The following XYLT1 variants were observed in gnomAD, a reference collection of about 807,000 sequenced individuals.
XYLT1 encodes the protein xylosyltransferase 1, also known as beta-D-xylosyltransferase 1.
A neutral mutation model predicts 91.3 loss-of-function variants in XYLT1; 36 were observed. That is an observed-to-expected ratio of 0.39 (90% CI 0.30 to 0.52). The LOEUF is 0.52. Among genes scored for constraint, XYLT1 ranks in the 20% least tolerant of loss-of-function variants. The pLI, the probability that XYLT1 is intolerant of heterozygous loss-of-function variation, is 0.68. For missense variants in XYLT1, 1,242 were observed against 1,284.5 expected, an observed-to-expected ratio of 0.97 and a Z score of 0.51; for synonymous variants, 588 against 532.0, an observed-to-expected ratio of 1.11 and a Z score of -1.45.
At chr16:17,332,299 T>C (rs2034909482) in intron 2 of XYLT1, among the ~76,000 whole-genome samples, 1 of 152,182 alleles carries the variant, frequency 6.6e-6, no homozygotes, top group African/African-American at 2.4e-5. Context: ...TAGTGGCTCA[T>C]GCCTATAATC....
At chr16:17,125,226 A>T (rs925779209) in intron 10 of XYLT1, among the ~76,000 whole-genome samples, 1 of 152,142 alleles carries the variant, frequency 6.6e-6, no homozygotes, top group African/African-American at 2.4e-5. Flanking sequence ...CAAAGGCTCT[A>T]TGGATTCTCT....
In XYLT1 at chr16:17,459,700, G is replaced by A. The variant is rs578009007; in HGVS notation, c.363+10734C>T. 2.6e-5 allele frequency among the ~76,000 whole-genome samples: 4 copies of A among 152,276 alleles called. No homozygotes were observed. In the South Asian group the frequency reaches 8.3e-4, roughly 32 times the overall value. On this transcript the variant is annotated intron_variant, in intron 1 of 11. Transcript: ENST00000261381. The stretch of plus-strand genomic sequence containing the variant: ...TTGTAACAATCTGATTTTTTGCAAT[G>A]TTCTTGTTTGTTTTTATTGGGAGGT...
chr16:17,248,652 T>C (rs62033189), intron 3 of XYLT1, among the ~76,000 whole-genome samples: 20,015 of 152,052 alleles, frequency 0.13, 1,390 homozygotes, highest in Non-Finnish European at 0.15. Context: ...CAGCTTTTCC[T>C]CTAGTTAACT....
rs201222846 is a variant in XYLT1, at chr16:17,134,531, G to A, written c.1969C>T (p.Arg657Cys). Residue 657 changes from arginine to cysteine, a missense_variant, in exon 9 of 12, where the codon CGC (arginine) becomes TGC (cysteine). By Grantham distance (180) the Arg-to-Cys change is radical. Transcript: ENST00000261381. ...VTLTLYHSFA[R>C]LGLRRAETSL... ...GTCTCGGCCCGTCGAAGACCCAGGC[G>A]GGCAAAGGAGTGGTACAAGGTGAGT... The A allele has an allele frequency of 7.4e-6, 12 of 1,614,114 alleles. No homozygotes were observed. Among genetic ancestry groups the A allele is most frequent in the East Asian group, 2.2e-5 (1 of 44,878 alleles).
At chr16:17,387,980 G>A (rs889277508) in intron 1 of XYLT1, among the ~76,000 whole-genome samples, 1 of 152,152 alleles carries the variant, frequency 6.6e-6, no homozygotes, top group Admixed American at 6.5e-5. Context: ...ACTGATGCTC[G>A]TGACTTATAA....
rs763402930 is a variant in XYLT1, at chr16:17,255,601, C to T, written c.913+3387G>A. Among the ~76,000 whole-genome samples, 20 of 152,340 alleles carry T rather than the reference C, an allele frequency of 1.3e-4. 1 individual carries two copies. In the Middle Eastern group the frequency reaches 0.01, roughly 78 times the overall value. On this transcript the variant is annotated intron_variant, in intron 3 of 11. Coordinates refer to ENST00000261381, the MANE Select transcript of XYLT1 (RefSeq NM_022166.4). The stretch of plus-strand genomic sequence containing the variant: ...TGCACTCCACTTAATTATTGCTACA[C>T]TCTGTGTGCCAAATCTAATCAAGAA...
chr16:17,466,147 CTT>C (rs1230688672), intron 1 of XYLT1, among the ~76,000 whole-genome samples: 3 of 152,098 alleles, frequency 2.0e-5, no homozygotes, highest in African/African-American at 4.8e-5. Flanking sequence ...GGCATTTTCT[CTT>C]TGTTTCTGGT....
rs960151270 is a variant in XYLT1 at position 17,413,999 on chromosome 16, C to T, written c.364-55949G>A. Among the ~76,000 whole-genome samples the T allele has an allele frequency of 5.3e-5, 8 of 152,182 alleles. No homozygotes were observed. In the East Asian group the frequency reaches 9.6e-4, roughly 18 times the overall value. On this transcript the variant is annotated intron_variant, in intron 1 of 11. Coordinates refer to ENST00000261381, the MANE Select transcript of XYLT1 (RefSeq NM_022166.4). ...AAAGCCCTCCTGAAATTATTCAAGC[C>T]GGTCAATCCCAAACTGTTTGCCCTG...
chr16:17,324,989 G>A (rs926584182), intron 2 of XYLT1, among the ~76,000 whole-genome samples: 19 of 151,848 alleles, frequency 1.3e-4, no homozygotes, highest in Non-Finnish European at 2.6e-4. Flanking sequence ...TATAATTATG[G>A]ATGTTATTTA....
chr16:17,269,905 G>C (rs1018543557), intron 2 of XYLT1, among the ~76,000 whole-genome samples: 1 of 151,784 alleles, frequency 6.6e-6, no homozygotes, highest in Admixed American at 6.6e-5. Context: ...TCCGCCTCCC[G>C]GGTTCAAGCA....
At chr16:17,168,549 C>T (rs563049686) in intron 5 of XYLT1, among the ~76,000 whole-genome samples, 1 of 152,152 alleles carries the variant, frequency 6.6e-6, no homozygotes, top group East Asian at 1.9e-4. Flanking sequence ...CACAATATAC[C>T]CCTGGAGCAA....
At chr16:17,176,192 T>C (rs547153751) in intron 5 of XYLT1, among the ~76,000 whole-genome samples, 5 of 152,204 alleles carry the variant, frequency 3.3e-5, no homozygotes, top group Non-Finnish European at 7.3e-5. Context: ...TACTGAGCTC[T>C]CACTATGTGC....
At chr16:17,402,272 A>AT (rs2035979608) in intron 1 of XYLT1, among the ~76,000 whole-genome samples, 1 of 152,044 alleles carries the variant, frequency 6.6e-6, no homozygotes. Context: ...GTGAGCCGTC[A>AT]TTGCCCCACT....
intron 5 of XYLT1, chr16:17,192,757 C>T (rs981527540): frequency 6.7e-6 from 1 of 149,606 alleles, no homozygotes; most frequent in Non-Finnish European, 1.5e-5. Context: ...TGAATTGGAT[C>T]TATTCTGTTT....
intron 1 of XYLT1, among the ~76,000 whole-genome samples, chr16:17,368,062 A>C (rs956173215): frequency 1.3e-5 from 2 of 152,180 alleles, no homozygotes; most frequent in African/African-American, 4.8e-5. Context: ...AAGATACAGG[A>C]AAACTGTGAT....
chr16:17,274,889 G>C (rs16968672), intron 2 of XYLT1, among the ~76,000 whole-genome samples: 3,417 of 152,120 alleles, frequency 0.022, 125 homozygotes, highest in African/African-American at 0.077. Context: ...AAAACTCTCA[G>C]AGCAGGGCCG....
chr16:17,331,054 T>C (rs1191313488), intron 2 of XYLT1, among the ~76,000 whole-genome samples: 2 of 152,204 alleles, frequency 1.3e-5, no homozygotes, highest in African/African-American at 2.4e-5. Flanking sequence ...GCCATTCCCA[T>C]GGGCAGAGCA....
chr16:17,137,956 C>CTAGATATAT (rs1555481501), intron 8 of XYLT1, among the ~76,000 whole-genome samples: 3 of 152,144 alleles, frequency 2.0e-5, no homozygotes, highest in Non-Finnish European at 4.4e-5. Flanking sequence ...AAGCTCAGCC[C>CTAGATATAT]TAGATATATA....
intron 2 of XYLT1, among the ~76,000 whole-genome samples, chr16:17,350,993 C>G (rs573784408): frequency 3.0e-4 from 46 of 152,302 alleles, no homozygotes; most frequent in African/African-American, 9.4e-4. Flanking sequence ...TCTCCAAACC[C>G]CAGCCAAGTA....
Sources: allele counts gnomAD v4.1 joint callset (sites outside exome capture counted in the v4.1 genomes callset), GRCh38; gene constraint gnomAD v4.1.1; transcripts MANE v1.5; gene names NCBI Gene and HGNC (gene_info 2026-07-23, HGNC 2026-07-21).